The following DST variants were observed in gnomAD, a reference collection of about 807,000 sequenced individuals.
DST encodes dystonin.
Under a neutral mutation model 875.2 loss-of-function variants are expected in DST, and 253 were observed. That is an observed-to-expected ratio of 0.29 (90% CI 0.26 to 0.32). DST has a LOEUF of 0.32. Ranked by LOEUF, DST falls within the 10% of genes least tolerant of loss-of-function variation. DST has a pLI of 1.00. For synonymous variants in DST, 3,124 were observed against 3,197.1 expected, an observed-to-expected ratio of 0.98 and a Z score of 0.77; for missense variants, 8,287 against 9,111.6, an observed-to-expected ratio of 0.91 and a Z score of 3.68.
intron 3 of DST, among the ~76,000 whole-genome samples, chr6:56,898,393 G>A (rs1178565652): frequency 1.3e-5 from 2 of 152,164 alleles, no homozygotes; most frequent in Admixed American, 1.3e-4. Context: ...TATTAACCAA[G>A]GCAGTTATGT....
At chr6:56,560,971 T>C (rs1318021623) in intron 57 of DST, among the ~76,000 whole-genome samples, 2 of 152,160 alleles carry the variant, frequency 1.3e-5, no homozygotes, top group African/African-American at 4.8e-5. Context: ...ATTTTTATAC[T>C]ACAGAGAACA....
At chr6:56,507,508 C>T (rs980107282) in intron 75 of DST, among the ~76,000 whole-genome samples, 3 of 152,220 alleles carry the variant, frequency 2.0e-5, no homozygotes, top group Admixed American at 6.5e-5. Context: ...TACGGGAACA[C>T]AGATGCACTA....
chr6:56,652,423 T>C (rs1052639028), intron 10 of DST, among the ~76,000 whole-genome samples: 3 of 152,194 alleles, frequency 2.0e-5, no homozygotes, highest in Admixed American at 1.3e-4. Flanking sequence ...AACCTGTTGA[T>C]AGCTTACAAA....
rs142997031 is a variant in DST at position 56,821,398 on chromosome 6, A to G, written c.625+29999T>C. Among the ~76,000 whole-genome samples the G allele has an allele frequency of 2.2e-3, 335 of 152,272 alleles. 3 individuals are homozygous for G. In the South Asian group the frequency reaches 0.028, roughly 13 times the overall value. ...TGGCTGGGCCCTCAAGACTCACCCT[A>G]TGTGTTCAGGACCAGGAGGTAGAAG... is the stretch of plus-strand genomic sequence containing the variant. On this transcript the variant is annotated intron_variant, in intron 4 of 103. Coordinates refer to ENST00000680361, the MANE Select transcript of DST (RefSeq NM_001374736.1).
chr6:56,642,315 GA>G, intron 16 of DST, 94 bp downstream of exon 16: 1 of 993,654 alleles, frequency 1.0e-6, no homozygotes. Context: ...AGAGTATTAC[GA>G]AGAATCAACC....
At chr6:56,729,232 C>G (rs576642674) in intron 5 of DST, among the ~76,000 whole-genome samples, 9 of 152,184 alleles carry the variant, frequency 5.9e-5, no homozygotes, top group Admixed American at 5.9e-4. Context: ...TTTAAGAACC[C>G]AAAGCAATAC....
intron 2 of DST, among the ~76,000 whole-genome samples, chr6:56,911,252 T>C (rs934516901): frequency 6.6e-6 from 1 of 152,204 alleles, no homozygotes; most frequent in East Asian, 1.9e-4. Flanking sequence ...CAAACTTTAA[T>C]ATGTACATGG....
intron 2 of DST, among the ~76,000 whole-genome samples, chr6:56,903,513 G>A (rs1795051516): frequency 2.0e-5 from 3 of 152,190 alleles, no homozygotes; most frequent in Non-Finnish European, 2.9e-5. Context: ...AGGCTGGAGT[G>A]CAGTGGTGTG....
chr6:56,594,034 G>A lies in DST; in HGVS notation c.12355C>T (p.Leu4119=), dbSNP rs751489349. 9 of 1,613,704 alleles carry A rather than the reference G, an allele frequency of 5.6e-6. No individual in the cohort carries two copies. Among genetic ancestry groups the A allele is most frequent in the Non-Finnish European group, 7.6e-6 (9 of 1,179,854 alleles). ...KELKVHYETA[L]AESEKKMKLT... Reference sequence around the variant, plus strand: ...TTCATTTTCTTCTCTGACTCAGCCAGTGCAGTTTCATAATGCACTTTCAGT... The same window carrying A: ...TTCATTTTCTTCTCTGACTCAGCCAATGCAGTTTCATAATGCACTTTCAGT... Residue 4119 remains leucine (L), a synonymous_variant, in exon 48 of 104, where the codon CTG becomes TTG. Coordinates refer to ENST00000680361, the MANE Select transcript of DST (RefSeq NM_001374736.1).
intron 4 of DST, among the ~76,000 whole-genome samples, chr6:56,805,856 A>G (rs2099752390): frequency 6.6e-6 from 1 of 152,254 alleles, no homozygotes; most frequent in South Asian, 2.1e-4. Flanking sequence ...GATGATTCAG[A>G]AAGGAATAGA....
intron 2 of DST, among the ~76,000 whole-genome samples, chr6:56,938,787 TGTG>T (rs1814656279): frequency 1.3e-5 from 2 of 152,152 alleles, no homozygotes; most frequent in Non-Finnish European, 2.9e-5. Context: ...CCTAACCACA[TGTG>T]AACCAGCCTG....
chr6:56,698,865 A>G (rs1038021771), intron 9 of DST, among the ~76,000 whole-genome samples: 9 of 152,140 alleles, frequency 5.9e-5, no homozygotes, highest in Non-Finnish European at 1.3e-4. Flanking sequence ...ACATGGGTAT[A>G]TTGCGTGATG....
intron 39 of DST, among the ~76,000 whole-genome samples, chr6:56,609,599 G>A (rs543465084): frequency 3.2e-4 from 49 of 152,130 alleles, no homozygotes; most frequent in Non-Finnish European, 4.3e-4. Context: ...ACTTGATATC[G>A]TGTATATTGA....
chr6:56,683,392 C>A (rs2099165980), intron 9 of DST, among the ~76,000 whole-genome samples: 1 of 152,186 alleles, frequency 6.6e-6, no homozygotes, highest in Non-Finnish European at 1.5e-5. Context: ...CTCTCATTCC[C>A]AAAATGGTGT....
At chr6:56,465,693 T>G (rs572403283) in intron 99 of DST, among the ~76,000 whole-genome samples, 1 of 152,164 alleles carries the variant, frequency 6.6e-6, no homozygotes, top group Admixed American at 6.5e-5. Flanking sequence ...ACTTTTATTA[T>G]CCAGTATTTT....
At chr6:56,508,791 T>C in intron 74 of DST, 36 bp from the exon 75 acceptor site, 1 of 1,499,612 alleles carries the variant, frequency 6.7e-7, no homozygotes. Flanking sequence ...GGCGACTGGT[T>C]AGCCCCACGT....
chr6:56,477,196 T>C, intron 91 of DST, 149 bp downstream of exon 91: 1 of 817,444 alleles, frequency 1.2e-6, no homozygotes, highest in Non-Finnish European at 1.8e-6. Flanking sequence ...GAGATTGTAA[T>C]GCATACAAGA....
At chr6:56,824,842 C>T (rs2099777965) in intron 4 of DST, among the ~76,000 whole-genome samples, 1 of 152,012 alleles carries the variant, frequency 6.6e-6, no homozygotes, top group South Asian at 2.1e-4. Flanking sequence ...AGGAGCGTCT[C>T]CGCCCCGCAG....
At chr6:56,598,142 A>G (rs1160307833) in intron 46 of DST, 136 bp from the exon 47 acceptor site, 1 of 868,174 alleles carries the variant, frequency 1.2e-6, no homozygotes, top group Non-Finnish European at 1.6e-6. Flanking sequence ...AAAACTTAAC[A>G]ACTGAAATTA....
Sources: gnomAD v4.1 joint callset for allele counts (sites outside exome capture counted in the v4.1 genomes callset) on GRCh38, gnomAD v4.1.1 for gene constraint, MANE v1.5 for transcripts, NCBI Gene and HGNC (gene_info 2026-07-23, HGNC 2026-07-21) for gene names.